Variants in TNS1 observed in about 807,000 individuals in gnomAD.
TNS1 encodes the protein tensin 1, also known as tensin-1.
TNS1 carries 62 observed loss-of-function variants against 168.6 expected under a neutral mutation model. The ratio of observed to expected loss-of-function variants is 0.37; its 90% confidence interval spans 0.30 to 0.45. TNS1 has a LOEUF of 0.45. Among genes scored for constraint, TNS1 ranks in the 20% least tolerant of loss-of-function variants. The pLI is 1.00. For missense variants in TNS1, 2,240 were observed against 2,339.4 expected, an observed-to-expected ratio of 0.96 and a Z score of 0.88; for synonymous variants, 934 against 933.2, an observed-to-expected ratio of 1.00 and a Z score of -0.02.
At chr2:218,026,393 G>A (rs1257536090) in intron 1 of TNS1, among the ~76,000 whole-genome samples, 1 of 152,110 alleles carries the variant, frequency 6.6e-6, no homozygotes, top group Non-Finnish European at 1.5e-5. Flanking sequence ...AGGAGTGGAC[G>A]AGACAGACTC....
At chr2:217,945,840 G>T (rs908541049) in intron 3 of TNS1, among the ~76,000 whole-genome samples, 24 of 152,052 alleles carry the variant, frequency 1.6e-4, no homozygotes, top group African/African-American at 4.6e-4. Flanking sequence ...GCTCCTCTGG[G>T]GCTTGGGTCA....
rs117224266 is a variant in TNS1, at chr2:217,977,763, C to A, written c.186+1002G>T. 5.3e-5 allele frequency among the ~76,000 whole-genome samples: 8 copies of A among 152,306 alleles called. No homozygotes were observed. In the East Asian group the frequency reaches 1.5e-3, roughly 29 times the overall value. ...AATAAGAAGCAAAACATGAGATGTA[C>A]CAGATACAGGTCCTCAACTGCTCAA... is the stretch of plus-strand genomic sequence containing the variant. On this transcript the variant is annotated intron_variant, in intron 3 of 32. Coordinates refer to ENST00000682258, the MANE Select transcript of TNS1 (RefSeq NM_001387777.1).
chr2:217,829,853 G>C (rs1385482269), intron 22 of TNS1: 6 of 1,614,056 alleles, frequency 3.7e-6, no homozygotes, highest in Non-Finnish European at 5.1e-6. Flanking sequence ...CCTTCTGACA[G>C]CCTGACCACC....
chr2:218,029,531 T>C (rs1229227779), intron 1 of TNS1, among the ~76,000 whole-genome samples: 1 of 152,176 alleles, frequency 6.6e-6, no homozygotes, highest in African/African-American at 2.4e-5. Flanking sequence ...GCAGAATGGA[T>C]AAATGGACAG....
At chr2:217,885,933 C>T (rs1951159445) in intron 14 of TNS1, 111 bp downstream of exon 14, 3 of 1,555,624 alleles carry the variant, frequency 1.9e-6, no homozygotes, top group Non-Finnish European at 2.7e-6. Flanking sequence ...CTCTCTGACT[C>T]TGTCCTTTCA....
At chr2:217,944,410 G>A (rs1028476267) in intron 3 of TNS1, among the ~76,000 whole-genome samples, 4 of 152,224 alleles carry the variant, frequency 2.6e-5, no homozygotes, top group African/African-American at 9.6e-5. Flanking sequence ...CTATAGAAAA[G>A]ACGCAGGTGC....
intron 18 of TNS1, among the ~76,000 whole-genome samples, chr2:217,878,516 C>A (rs1433953776): frequency 6.6e-6 from 1 of 152,146 alleles, no homozygotes; most frequent in Non-Finnish European, 1.5e-5. Context: ...TGGCTGGGAG[C>A]ATCAAATGAA....
chr2:217,944,966 G>A (rs1442582778), intron 3 of TNS1, among the ~76,000 whole-genome samples: 1 of 152,242 alleles, frequency 6.6e-6, no homozygotes, highest in Non-Finnish European at 1.5e-5. Context: ...ACACCTATCA[G>A]ATGCTGGCCA....
intron 18 of TNS1, among the ~76,000 whole-genome samples, chr2:217,870,986 C>T (rs1949723520): frequency 6.6e-6 from 1 of 152,188 alleles, no homozygotes; most frequent in Non-Finnish European, 1.5e-5. Flanking sequence ...GAGAGGACTC[C>T]CCTCTTGGGG....
chr2:217,910,858 G>A (rs1954323914), intron 4 of TNS1, among the ~76,000 whole-genome samples: 1 of 152,038 alleles, frequency 6.6e-6, no homozygotes, highest in South Asian at 2.1e-4. Context: ...GGGAAATTGA[G>A]GTCCAGGGAG....
In TNS1 at chr2:217,850,588, C is replaced by T. The variant is rs966749417; in HGVS notation, c.1430-1501G>A. ...CCAGCCACCAGCCCCGACAGACACA[C>T]ACACACACACACACACACACACACA... On this transcript the variant is annotated intron_variant, in intron 18 of 32. Coordinates refer to ENST00000682258, the MANE Select transcript of TNS1 (RefSeq NM_001387777.1). 4.9e-6 allele frequency: 3 copies of T among 615,316 alleles called. No homozygotes were observed. The Admixed American group carries it at 3.5e-4, about 71-fold the overall frequency. The allele number at this position is 615,316 out of a possible 1,614,324, so 38.1% of individuals were successfully genotyped here.
intron 4 of TNS1, among the ~76,000 whole-genome samples, chr2:217,911,310 G>A (rs1169839240): frequency 6.6e-6 from 1 of 152,210 alleles, no homozygotes; most frequent in Non-Finnish European, 1.5e-5. Flanking sequence ...CTCTTAGCGG[G>A]CTGCTCTGCT....
intron 3 of TNS1, among the ~76,000 whole-genome samples, chr2:217,934,331 ACCCCCAGCT>A (rs763396647): frequency 2.6e-4 from 40 of 152,014 alleles, no homozygotes; most frequent in Non-Finnish European, 3.7e-4. Context: ...GCTGGCCGGG[ACCCCCAGCT>A]CCTAAGGAGG....
At chr2:217,921,457 C>T (rs1955695951) in intron 3 of TNS1, among the ~76,000 whole-genome samples, 1 of 152,210 alleles carries the variant, frequency 6.6e-6, no homozygotes, top group East Asian at 1.9e-4. Context: ...TAGCTGAGCC[C>T]TTCCTCCAGC....
chr2:217,958,191 A>C (rs1438165005), intron 3 of TNS1, among the ~76,000 whole-genome samples: 1 of 152,218 alleles, frequency 6.6e-6, no homozygotes, highest in Non-Finnish European at 1.5e-5. Context: ...AGAATACATA[A>C]AAGGTTTAAA....
upstream of TNS1, among the ~76,000 whole-genome samples, chr2:218,004,044 AAAAAACCCTT>A (rs1958623278): frequency 6.6e-6 from 1 of 152,176 alleles, no homozygotes; most frequent in Non-Finnish European, 1.5e-5. Context: ...TCCCCTCCAA[AAAAAACCCTT>A]CCTCTTTGAG....
intron 23 of TNS1, among the ~76,000 whole-genome samples, chr2:217,821,189 T>C (rs972183702): frequency 6.6e-6 from 1 of 152,166 alleles, no homozygotes; most frequent in Non-Finnish European, 1.5e-5. Flanking sequence ...GAGGGCGCCA[T>C]GATGCAGGTC....
At position 217,813,835 on chromosome 2, in the gene TNS1, A is replaced by G. The variant is rs1489916144; in HGVS notation, c.4730-19T>C. 1 of 1,578,732 alleles carries G rather than the reference A, an allele frequency of 6.3e-7. No homozygotes were observed. The highest frequency in any genetic ancestry group is 2.3e-5 in the East Asian group (1 of 43,926). On this transcript the variant is annotated intron_variant, in intron 25 of 32. Coordinates refer to ENST00000682258, the MANE Select transcript of TNS1 (RefSeq NM_001387777.1). The surrounding 1 kb of genome is among the most constrained non-coding windows in gnomAD (Gnocchi z 4.0). ...GCGATGGCTGCATGGGGAAGGGACAAGGAGAGAGGAGGAAGCAAGACCTCG... is the reference window on the plus strand; with the variant it reads ...GCGATGGCTGCATGGGGAAGGGACAGGGAGAGAGGAGGAAGCAAGACCTCG...
intron 3 of TNS1, among the ~76,000 whole-genome samples, chr2:217,945,160 G>A (rs1034389074): frequency 1.3e-5 from 2 of 152,188 alleles, no homozygotes; most frequent in Non-Finnish European, 2.9e-5. Context: ...AGGTTGAAAG[G>A]CCCTTCCTTC....
Sources: gnomAD v4.1 joint callset for allele counts (sites outside exome capture counted in the v4.1 genomes callset) on GRCh38, gnomAD v4.1.1 for gene constraint, Gnocchi (gnomAD v3.1) non-coding constraint, MANE v1.5 for transcripts, NCBI Gene and HGNC (gene_info 2026-07-23, HGNC 2026-07-21) for gene names.